The following ZBTB46 variants were observed in gnomAD, a reference collection of about 807,000 sequenced individuals.
ZBTB46 encodes the protein zinc finger and BTB domain containing 46.
Under a neutral mutation model 44.1 loss-of-function variants are expected in ZBTB46, and 8 were observed. That is an observed-to-expected ratio of 0.18 (90% CI 0.11 to 0.33). The LOEUF (loss-of-function observed/expected upper bound fraction) is 0.33. Among genes scored for constraint, ZBTB46 ranks in the 10% least tolerant of loss-of-function variants. The pLI, the probability that ZBTB46 is intolerant of heterozygous loss-of-function variation, is 1.00. For missense variants in ZBTB46, 651 were observed against 847.7 expected (o/e 0.77, Z 2.88); for synonymous variants, 409 against 382.3 (o/e 1.07, Z -0.81).
At chr20:63,748,125 A>G (rs1174810817) in intron 4 of ZBTB46, among the ~76,000 whole-genome samples, 1 of 152,080 alleles carries the variant, frequency 6.6e-6, no homozygotes, top group Non-Finnish European at 1.5e-5. Context: ...AAAGGAGGCA[A>G]CTCCCCCACT....
In ZBTB46 at chr20:63,784,813, C is replaced by G. The variant is rs549088942; in HGVS notation, c.937+5008G>C. 2.0e-5 allele frequency among the ~76,000 whole-genome samples: 3 copies of G among 152,328 alleles called. No homozygotes were observed. In the East Asian group the frequency reaches 5.8e-4, roughly 29 times the overall value. ...CTCAGTTAGAATGAATTTGGCCTCC[C>G]TGCCTAGAAAATCACTCTTAAAAGC... On this transcript the variant is annotated intron_variant, in intron 2 of 4. Coordinates refer to ENST00000245663, the MANE Select transcript of ZBTB46 (RefSeq NM_001369741.1).
intron 3 of ZBTB46, 184 bp downstream of exon 3, chr20:63,775,494 C>G (rs953421737): frequency 1.4e-6 from 1 of 711,878 alleles, no homozygotes; most frequent in African/African-American, 1.8e-5. Context: ...AGCCAGCCCC[C>G]CGTGCACCTG....
At chr20:63,766,083 G>A (rs1342108513) in intron 3 of ZBTB46, among the ~76,000 whole-genome samples, 1 of 152,016 alleles carries the variant, frequency 6.6e-6, no homozygotes, top group East Asian at 1.9e-4. Flanking sequence ...GCACTAGGGT[G>A]TGCCCTGCCC....
intron 3 of ZBTB46, among the ~76,000 whole-genome samples, chr20:63,766,691 A>T (rs892805021): frequency 2.6e-5 from 4 of 152,228 alleles, no homozygotes; most frequent in Admixed American, 2.6e-4. Context: ...CCTTTGGTAA[A>T]ATGCCCCAAA....
rs2092329904 is a variant in ZBTB46 at position 63,767,455 on chromosome 20, C to G, written c.1222+8223G>C. 6.6e-6 allele frequency among the ~76,000 whole-genome samples: 1 copy of G among 152,150 alleles called. No individual in the cohort carries two copies. The highest frequency in any genetic ancestry group is 2.4e-5 in the African/African-American group (1 of 41,430). On this transcript the variant is annotated intron_variant, in intron 3 of 4. Coordinates refer to ENST00000245663, the MANE Select transcript of ZBTB46 (RefSeq NM_001369741.1). This position sits in a 1 kb window ranked among gnomAD's most constrained non-coding sequence, Gnocchi z 5.0. ...GACCACAGAAAGGCACACACCGGCT[C>G]CCAGTCACAGCTCTCCGCAGATATC...
At chr20:63,789,750 C>T (rs545303103) in intron 2 of ZBTB46, 71 bp downstream of exon 2, 228 of 1,534,972 alleles carry the variant, frequency 1.5e-4, no homozygotes, top group Middle Eastern at 7.4e-4. Context: ...TCACTGCCTC[C>T]GCACAGCACG....
chr20:63,764,916 A>T (rs1230254863), intron 3 of ZBTB46, among the ~76,000 whole-genome samples: 2 of 146,466 alleles, frequency 1.4e-5, no homozygotes, highest in Non-Finnish European at 1.5e-5. Context: ...TGCTTTTAAG[A>T]TTTTTTTTTG....
At chr20:63,758,468 G>C (rs2092244648) in intron 3 of ZBTB46, among the ~76,000 whole-genome samples, 1 of 151,870 alleles carries the variant, frequency 6.6e-6, no homozygotes, top group Non-Finnish European at 1.5e-5. Context: ...CTCTGCCTGG[G>C]CTGGTGGGCC....
chr20:63,826,220 A>G (rs2092818752), intron 1 of ZBTB46, among the ~76,000 whole-genome samples: 1 of 152,296 alleles, frequency 6.6e-6, no homozygotes, highest in African/African-American at 2.4e-5. Flanking sequence ...CAAACAAAGT[A>G]TCTGTGTGTC....
upstream of ZBTB46, among the ~76,000 whole-genome samples, chr20:63,833,098 A>G (rs1233356936): frequency 1.3e-5 from 2 of 152,180 alleles, no homozygotes; most frequent in African/African-American, 4.8e-5. Flanking sequence ...ACCTCCCTAG[A>G]CAGCCTCCAA....
chr20:63,790,942 G>A, intron 1 of ZBTB46, 152 bp from the exon 2 acceptor site: 1 of 1,131,278 alleles, frequency 8.8e-7, no homozygotes, highest in African/African-American at 1.6e-5. Flanking sequence ...TGCAGCGGGA[G>A]GCCTGTGTCT....
upstream of ZBTB46, among the ~76,000 whole-genome samples, chr20:63,832,994 C>T (rs2092859664): frequency 6.6e-6 from 1 of 152,160 alleles, no homozygotes; most frequent in African/African-American, 2.4e-5. This position sits in a 1 kb window ranked among gnomAD's most constrained non-coding sequence, Gnocchi z 5.0. Context: ...GCAAGGAGGA[C>T]CAGAGCCCTG....
chr20:63,776,929 C>T (rs550907042), intron 2 of ZBTB46, among the ~76,000 whole-genome samples: 12 of 152,204 alleles, frequency 7.9e-5, no homozygotes, highest in African/African-American at 1.9e-4. Context: ...ATGGCCAAGA[C>T]GCACAGGAAG....
chr20:63,752,590 T>G lies in ZBTB46; in HGVS notation c.1398+96A>C. The stretch of plus-strand genomic sequence containing the variant: ...CCCCCTGTGCAGAGTGGACCCGGTG[T>G]GGGGTCCGGGGCGGTCTGCGCCCTC... On this transcript the variant is annotated intron_variant, in intron 4 of 4. Coordinates refer to ENST00000245663, the MANE Select transcript of ZBTB46 (RefSeq NM_001369741.1). The surrounding 1 kb of genome is among the most constrained non-coding windows in gnomAD (Gnocchi z 5.6). 3 of 1,348,700 alleles carry G rather than the reference T, an allele frequency of 2.2e-6. No individual in the cohort carries two copies. Among genetic ancestry groups the G allele is most frequent in the Non-Finnish European group, 2.9e-6 (3 of 1,034,040 alleles). 83.5% of individuals were successfully genotyped at this position (1,348,700 alleles called of 1,614,324 possible).
At chr20:63,789,702 T>C (rs1189690555) in intron 2 of ZBTB46, 119 bp downstream of exon 2, 3 of 1,477,920 alleles carry the variant, frequency 2.0e-6, no homozygotes, top group Non-Finnish European at 9.0e-7. Context: ...TAAGAGGAAG[T>C]GACCCTAGAA....
At chr20:63,776,525 C>T (rs1002644666) in intron 2 of ZBTB46, among the ~76,000 whole-genome samples, 1 of 152,198 alleles carries the variant, frequency 6.6e-6, no homozygotes, top group East Asian at 1.9e-4. Flanking sequence ...AAAGTGACGC[C>T]GGGTGCGGTG....
At chr20:63,780,512 G>C (rs150370537) in intron 2 of ZBTB46, among the ~76,000 whole-genome samples, 294 of 151,812 alleles carry the variant, frequency 1.9e-3, no homozygotes, top group African/African-American at 6.9e-3. Flanking sequence ...ATAGGAGAAA[G>C]TCTTTGTTGG....
chr20:63,762,904 C>T (rs2092289837), intron 3 of ZBTB46, among the ~76,000 whole-genome samples: 1 of 152,122 alleles, frequency 6.6e-6, no homozygotes, highest in African/African-American at 2.4e-5. Context: ...CTCCGTTACC[C>T]ACGCTGGAGT....
intron 1 of ZBTB46, among the ~76,000 whole-genome samples, chr20:63,817,127 GA>G (rs1340707418): frequency 5.3e-5 from 8 of 151,592 alleles, no homozygotes; most frequent in Middle Eastern, 3.5e-3. Context: ...GAAAAGAAAA[GA>G]AAAGGAAAGG....
Sources: allele counts gnomAD v4.1 joint callset (sites outside exome capture counted in the v4.1 genomes callset), GRCh38; gene constraint gnomAD v4.1.1; non-coding constraint Gnocchi (gnomAD v3.1); transcripts MANE v1.5; gene names NCBI Gene and HGNC (gene_info 2026-07-23, HGNC 2026-07-21).